CNTLN: variants seen among roughly 807,000 people sequenced by gnomAD.
CNTLN encodes centlein.
Under a neutral mutation model 180.0 loss-of-function variants are expected in CNTLN, and 212 were observed. The ratio of observed to expected loss-of-function variants is 1.18; its 90% CI spans 1.05 to 1.32. CNTLN has a LOEUF of 1.32. Ranked by LOEUF, CNTLN falls within the 40% of genes most tolerant of loss-of-function variation. The pLI, the probability that CNTLN is intolerant of heterozygous loss-of-function variation, is 0.00. For synonymous variants in CNTLN, 722 were observed against 563.1 expected, an observed-to-expected ratio of 1.28 and a Z score of -3.99; for missense variants, 2,095 against 1,610.9, an observed-to-expected ratio of 1.30 and a Z score of -5.14.
At chr9:17,229,506 T>A (rs936795571) in intron 3 of CNTLN, among the ~76,000 whole-genome samples, 6 of 151,998 alleles carry the variant, frequency 3.9e-5, no homozygotes, top group Non-Finnish European at 8.8e-5. Flanking sequence ...CCTGGCAGAA[T>A]GGAGACCTAG....
At chr9:17,484,151 A>C in intron 23 of CNTLN, 144 bp from the exon 24 acceptor site, 1 of 642,386 alleles carries the variant, frequency 1.6e-6, no homozygotes, top group Non-Finnish European at 2.6e-6. Flanking sequence ...GGTAAAGAGC[A>C]ATCCACTATA....
chr9:17,224,514 G>C (rs1351169793), intron 2 of CNTLN, among the ~76,000 whole-genome samples: 1 of 152,000 alleles, frequency 6.6e-6, no homozygotes. Flanking sequence ...GTTTCCCAAA[G>C]AAACTTGTCT....
At chr9:17,379,135 C>T (rs1825018465) in intron 13 of CNTLN, among the ~76,000 whole-genome samples, 1 of 151,862 alleles carries the variant, frequency 6.6e-6, no homozygotes, top group South Asian at 2.1e-4. Flanking sequence ...GTCATTCTTA[C>T]TTTGTTCACG....
intron 12 of CNTLN, among the ~76,000 whole-genome samples, chr9:17,355,582 T>C (rs1439017673): frequency 6.6e-6 from 1 of 152,228 alleles, no homozygotes; most frequent in Admixed American, 6.5e-5. Context: ...TATTTAGGCC[T>C]TTCATCTACT....
At chr9:17,419,098 A>C (rs1443831111) in intron 18 of CNTLN, among the ~76,000 whole-genome samples, 6 of 152,042 alleles carry the variant, frequency 3.9e-5, no homozygotes, top group Non-Finnish European at 8.8e-5. Flanking sequence ...AGCTGTCATC[A>C]CTTTAACTGT....
At chr9:17,291,965 C>T (rs1829443212) in intron 6 of CNTLN, among the ~76,000 whole-genome samples, 1 of 152,094 alleles carries the variant, frequency 6.6e-6, no homozygotes, top group East Asian at 1.9e-4. Flanking sequence ...TTTAGTGCTT[C>T]CTTCAGGAGC....
chr9:17,477,772 C>T lies in CNTLN; in HGVS notation c.3856-6523C>T, dbSNP rs144653617. Among the ~76,000 whole-genome samples, 4 of 152,292 alleles carry T rather than the reference C, an allele frequency of 2.6e-5. No individual in the cohort carries two copies. In the East Asian group the frequency reaches 5.8e-4, roughly 22 times the overall value. ...AGACGAAATCTCCTCCTGGTGAAAA[C>T]GCTGTGAACATTGTAGAAATGACAA... On this transcript the variant is annotated intron_variant, in intron 23 of 25. Coordinates refer to ENST00000380647, the MANE Select transcript of CNTLN (RefSeq NM_017738.4).
chr9:17,205,590 A>C (rs1347390904), intron 2 of CNTLN, among the ~76,000 whole-genome samples: 1 of 152,156 alleles, frequency 6.6e-6, no homozygotes, highest in African/African-American at 2.4e-5. Context: ...GGGAGCAGTC[A>C]GCTGGCTGAA....
chr9:17,348,532 C>CTTTT (rs35021719), intron 12 of CNTLN, among the ~76,000 whole-genome samples: 69 of 140,996 alleles, frequency 4.9e-4, no homozygotes, highest in Middle Eastern at 3.7e-3. Context: ...TTCTTTCTTT[C>CTTTT]TTTTTTTTTT....
At chr9:17,217,343 T>C (rs902106248) in intron 2 of CNTLN, among the ~76,000 whole-genome samples, 1 of 152,262 alleles carries the variant, frequency 6.6e-6, no homozygotes, top group Non-Finnish European at 1.5e-5. Flanking sequence ...TAATTCAACA[T>C]TCCATGGGGA....
chr9:17,319,872 C>T (rs944889171), intron 8 of CNTLN, among the ~76,000 whole-genome samples: 3 of 152,076 alleles, frequency 2.0e-5, no homozygotes, highest in Non-Finnish European at 4.4e-5. Flanking sequence ...GGTGAGCTGA[C>T]AGTCTTTGCC....
rs186787875 is a variant in CNTLN, at chr9:17,479,792, A to G, written c.3856-4503A>G. On this transcript the variant is annotated intron_variant, in intron 23 of 25. Transcript: ENST00000380647. Reference sequence around the variant, plus strand: ...ACATGACTGGTATAAATCCAAATATACCAATAACTATAATATAAATAATAG... The same window carrying G: ...ACATGACTGGTATAAATCCAAATATGCCAATAACTATAATATAAATAATAG... Among the ~76,000 whole-genome samples the G allele has an allele frequency of 2.6e-3, 396 of 152,312 alleles. 1 individual carries two copies. The highest frequency in any genetic ancestry group is 3.6e-3 in the Non-Finnish European group (245 of 68,034).
intron 19 of CNTLN, among the ~76,000 whole-genome samples, chr9:17,459,076 C>G (rs1831304033): frequency 6.6e-6 from 1 of 151,686 alleles, no homozygotes; most frequent in South Asian, 2.1e-4. Context: ...TTGTTTTTCA[C>G]CAAGATAAAA....
At chr9:17,234,448 CA>C (rs982835983) in intron 3 of CNTLN, among the ~76,000 whole-genome samples, 1 of 151,210 alleles carries the variant, frequency 6.6e-6, no homozygotes, top group South Asian at 2.1e-4. Context: ...ACCTGTCTCT[CA>C]AAAAAAACTA....
rs920389661 is a variant in CNTLN at position 17,457,647 on chromosome 9, C to G, written c.3238C>G (p.Gln1080Glu). 6.5e-7 allele frequency: 1 copy of G among 1,545,576 alleles called. No individual in the cohort carries two copies. The highest frequency in any genetic ancestry group is 2.5e-5 in the East Asian group (1 of 40,746). Residue 1080 changes from glutamine (Q) to glutamate (E), a missense_variant, in exon 19 of 26, where the codon CAA (glutamine) becomes GAA (glutamate). Transcript: ENST00000380647. ...ENSQVTFPRIQVTSLSPSRSM... is the reference protein window; with the variant it reads ...ENSQVTFPRIEVTSLSPSRSM... ...TTCCCAGGTAACATTTCCACGGATA[C>G]AAGTTACATCACTTAGTCCTTCAAG...
At chr9:17,428,119 A>G (rs532516083) in intron 18 of CNTLN, among the ~76,000 whole-genome samples, 1 of 152,304 alleles carries the variant, frequency 6.6e-6, no homozygotes, top group Admixed American at 6.5e-5. Flanking sequence ...CATTTCTGAG[A>G]AGGTGACATT....
In CNTLN at chr9:17,409,396, G is replaced by T. The variant is rs764765647; in HGVS notation, c.2719G>T (p.Asp907Tyr). ...TEDGKDQKES[D>Y]PTEDSQTQGK... ...AGATGGAAAAGACCAGAAAGAAAGTGATCCAACAGAAGACAGCCAAACACA... is the reference window on the plus strand; with the variant it reads ...AGATGGAAAAGACCAGAAAGAAAGTTATCCAACAGAAGACAGCCAAACACA... Residue 907 changes from aspartate (D) to tyrosine (Y), a missense_variant, in exon 16 of 26, where the codon GAT becomes TAT. By Grantham distance (160) the Asp-to-Tyr change is radical. Transcript: ENST00000380647. 1 of 1,613,314 alleles carries T rather than the reference G, an allele frequency of 6.2e-7. No homozygotes were observed. Among genetic ancestry groups the T allele is most frequent in the Admixed American group, 1.7e-5 (1 of 59,976 alleles).
chr9:17,214,003 T>C (rs529952450), intron 2 of CNTLN, among the ~76,000 whole-genome samples: 69 of 152,346 alleles, frequency 4.5e-4, no homozygotes, highest in Non-Finnish European at 9.4e-4. Flanking sequence ...CTTGACTCTT[T>C]ATCCAATTTG....
At chr9:17,184,783 A>T (rs1821331899) in intron 2 of CNTLN, among the ~76,000 whole-genome samples, 1 of 152,198 alleles carries the variant, frequency 6.6e-6, no homozygotes, top group African/African-American at 2.4e-5. Context: ...CCCCTTTGAA[A>T]TGAACACGTC....
Sources: allele counts gnomAD v4.1 joint callset (sites outside exome capture counted in the v4.1 genomes callset), GRCh38; gene constraint gnomAD v4.1.1; transcripts MANE v1.5; gene names NCBI Gene and HGNC (gene_info 2026-07-23, HGNC 2026-07-21).